The following RAPGEF5 variants were observed in gnomAD, a reference collection of about 807,000 sequenced individuals.
The protein encoded by RAPGEF5 is M-Ras-regulated GEF.
In RAPGEF5, 65 loss-of-function variants were observed where a neutral mutation model predicts 125.2. The observed-to-expected ratio is 0.52, with a 90% CI of 0.43 to 0.64. The LOEUF (loss-of-function observed/expected upper bound fraction) is 0.64, where lower values mean the gene tolerates loss of function less well. Among genes scored for constraint, RAPGEF5 ranks in the 30% least tolerant of loss-of-function variants. RAPGEF5 has a pLI of 0.00. For synonymous variants in RAPGEF5, 391 were observed against 385.9 expected, an observed-to-expected ratio of 1.01 and a Z score of -0.16; for missense variants, 958 against 1,048.1, an observed-to-expected ratio of 0.91 and a Z score of 1.19.
chr7:22,322,492 A>G (rs1036686696), intron 1 of RAPGEF5, among the ~76,000 whole-genome samples: 6 of 151,940 alleles, frequency 3.9e-5, no homozygotes, highest in African/African-American at 1.5e-4. Flanking sequence ...TACTTGAAAA[A>G]CTATGAGGTA....
At chr7:22,350,101 T>C (rs1463661088) in intron 1 of RAPGEF5, among the ~76,000 whole-genome samples, 3 of 152,224 alleles carry the variant, frequency 2.0e-5, no homozygotes, top group Non-Finnish European at 4.4e-5. Flanking sequence ...CCAGATCATA[T>C]ATCATTACTG....
chr7:22,227,152 C>T (rs1487073599), intron 8 of RAPGEF5, among the ~76,000 whole-genome samples: 1 of 151,360 alleles, frequency 6.6e-6, no homozygotes, highest in Non-Finnish European at 1.5e-5. Flanking sequence ...CTTGTTTTGA[C>T]CTAAGAGAAA....
At chr7:22,150,330 C>T (rs1410634305) in intron 18 of RAPGEF5, 77 bp downstream of exon 18, 1 of 1,455,736 alleles carries the variant, frequency 6.9e-7, no homozygotes, top group African/African-American at 1.4e-5. Context: ...GCCTTGGCCT[C>T]CCAAAGTGCT....
intron 1 of RAPGEF5, among the ~76,000 whole-genome samples, chr7:22,318,689 A>T (rs1218432044): frequency 1.3e-5 from 2 of 152,172 alleles, no homozygotes; most frequent in African/African-American, 4.8e-5. Flanking sequence ...GTCAGTCTTC[A>T]TGTTAAAAGC....
chr7:22,124,754 A>G (rs944398194), intron 25 of RAPGEF5, among the ~76,000 whole-genome samples: 2 of 152,152 alleles, frequency 1.3e-5, no homozygotes, highest in African/African-American at 4.8e-5. Context: ...ATTGAACTCA[A>G]TTTTCTATTT....
At chr7:22,210,005 A>G (rs571419638) in intron 9 of RAPGEF5, among the ~76,000 whole-genome samples, 1 of 152,316 alleles carries the variant, frequency 6.6e-6, no homozygotes, top group African/African-American at 2.4e-5. Context: ...TGGTCTTAGA[A>G]TATATTTTCC....
intron 6 of RAPGEF5, among the ~76,000 whole-genome samples, chr7:22,280,250 C>A (rs1028116940): frequency 2.0e-5 from 3 of 152,190 alleles, no homozygotes; most frequent in African/African-American, 7.2e-5. Flanking sequence ...CGGATTGTAA[C>A]TGTAGCAGTC....
At chr7:22,355,845 C>A (rs1310017858) in intron 1 of RAPGEF5, 1 of 596,940 alleles carries the variant, frequency 1.7e-6, no homozygotes, top group Non-Finnish European at 2.1e-6. Flanking sequence ...AGTCTCCCAG[C>A]AAGGTCTTGT....
chr7:22,193,668 C>T (rs954531343), intron 10 of RAPGEF5: 13 of 1,550,646 alleles, frequency 8.4e-6, no homozygotes, highest in Non-Finnish European at 9.6e-6. Flanking sequence ...CCATTGTGAA[C>T]GGTTACTAAC....
At chr7:22,176,105 G>A (rs1413922033) in intron 11 of RAPGEF5, among the ~76,000 whole-genome samples, 1 of 152,118 alleles carries the variant, frequency 6.6e-6, no homozygotes. Flanking sequence ...AAAGAGCAAA[G>A]GCATGTCTTA....
At chr7:22,138,432 C>A (rs535133650) in intron 21 of RAPGEF5, among the ~76,000 whole-genome samples, 1 of 152,218 alleles carries the variant, frequency 6.6e-6, no homozygotes, top group South Asian at 2.1e-4. Flanking sequence ...AGTTTGCTGA[C>A]CTCTGATCTG....
intron 11 of RAPGEF5, among the ~76,000 whole-genome samples, chr7:22,173,926 T>A (rs965027407): frequency 1.1e-4 from 16 of 152,112 alleles, no homozygotes; most frequent in Non-Finnish European, 8.8e-5. Context: ...CCAAGTATGC[T>A]GGGAAGCTCA....
chr7:22,301,827 A>G (rs1783212716), intron 5 of RAPGEF5, among the ~76,000 whole-genome samples: 1 of 152,168 alleles, frequency 6.6e-6, no homozygotes, highest in Non-Finnish European at 1.5e-5. Context: ...ACTGTATGAC[A>G]TATTTTCATT....
At chr7:22,222,778 G>A (rs1276493287) in intron 8 of RAPGEF5, among the ~76,000 whole-genome samples, 1 of 152,192 alleles carries the variant, frequency 6.6e-6, no homozygotes, top group African/African-American at 2.4e-5. Context: ...GGTTGGACTG[G>A]GGGAAGTAGT....
intron 14 of RAPGEF5, among the ~76,000 whole-genome samples, chr7:22,160,196 G>C (rs1783942387): frequency 6.6e-6 from 1 of 152,084 alleles, no homozygotes; most frequent in African/African-American, 2.4e-5. Context: ...ATAGTTACAA[G>C]CCCCAAAATG....
At chr7:22,256,821 G>A (rs1786773436) in intron 7 of RAPGEF5, among the ~76,000 whole-genome samples, 1 of 152,160 alleles carries the variant, frequency 6.6e-6, no homozygotes, top group Non-Finnish European at 1.5e-5. Context: ...ATCCAACAAC[G>A]AGAAAGAAGT....
rs182259373 is a variant in RAPGEF5 at position 22,142,431 on chromosome 7, T to C, written c.2187-2316A>G. ...AGCTTAATTTATCTATGTGAAATCT[T>C]AGAATTCCTATCTTTTTATCTTTTA... On this transcript the variant is annotated intron_variant, in intron 20 of 25. Transcript: ENST00000665637. Among the ~76,000 whole-genome samples the C allele has an allele frequency of 5.3e-5, 8 of 152,340 alleles. No homozygotes were observed. In the East Asian group the frequency reaches 1.5e-3, roughly 29 times the overall value.
chr7:22,320,924 C>T (rs1362625945), intron 1 of RAPGEF5, among the ~76,000 whole-genome samples: 3 of 152,086 alleles, frequency 2.0e-5, no homozygotes, highest in African/African-American at 7.2e-5. Flanking sequence ...GCTGGTCACT[C>T]GATGCAGGGT....
chr7:22,306,573 G>A (rs965079042), intron 5 of RAPGEF5, among the ~76,000 whole-genome samples: 17 of 152,160 alleles, frequency 1.1e-4, no homozygotes, highest in Non-Finnish European at 2.5e-4. Flanking sequence ...TCAACTTAAT[G>A]TGATCCCATT....
Sources: allele counts gnomAD v4.1 joint callset (sites outside exome capture counted in the v4.1 genomes callset), GRCh38; gene constraint gnomAD v4.1.1; transcripts MANE v1.5; gene names NCBI Gene and HGNC (gene_info 2026-07-23, HGNC 2026-07-21).